The following GRIK1 variants were observed in gnomAD, a reference collection of about 807,000 sequenced individuals.
GRIK1 encodes glutamate receptor ionotropic, kainate 1.
Under a neutral mutation model 105.7 loss-of-function variants are expected in GRIK1, and 69 were observed. That is an observed-to-expected ratio of 0.65 (90% CI 0.54 to 0.80). The LOEUF is 0.80. Ranked by LOEUF, GRIK1 falls within the 30% of genes least tolerant of loss-of-function variation. The pLI, the probability that GRIK1 is intolerant of heterozygous loss-of-function variation, is 0.00. For synonymous variants in GRIK1, 438 were observed against 431.3 expected, an observed-to-expected ratio of 1.02 and a Z score of -0.19; for missense variants, 1,109 against 1,167.3, an observed-to-expected ratio of 0.95 and a Z score of 0.73.
At chr21:29,617,731 C>T (rs1299112165) in intron 7 of GRIK1, among the ~76,000 whole-genome samples, 1 of 152,194 alleles carries the variant, frequency 6.6e-6, no homozygotes. Context: ...GTCACATTGA[C>T]AGAGGCCTGG....
At chr21:29,767,824 G>A (rs959534999) in intron 1 of GRIK1, among the ~76,000 whole-genome samples, 1 of 151,648 alleles carries the variant, frequency 6.6e-6, no homozygotes, top group Non-Finnish European at 1.5e-5. Flanking sequence ...GTGTGTGTGT[G>A]TGTGTGTTTG....
chr21:29,922,586 AC>A (rs2146329501), intron 1 of GRIK1, among the ~76,000 whole-genome samples: 1 of 152,286 alleles, frequency 6.6e-6, no homozygotes, highest in Non-Finnish European at 1.5e-5. Flanking sequence ...ATTGGAAGCA[AC>A]CTAAATGAAC....
At chr21:29,869,430 T>G (rs1255390338) in intron 1 of GRIK1, among the ~76,000 whole-genome samples, 2 of 152,220 alleles carry the variant, frequency 1.3e-5, no homozygotes, top group Non-Finnish European at 2.9e-5. Flanking sequence ...CTAAGTGGTA[T>G]GGAAGAAAAG....
At chr21:29,598,988 C>T (rs1040465764) in intron 7 of GRIK1, 51 bp from the exon 8 acceptor site, 4 of 806,712 alleles carry the variant, frequency 5.0e-6, no homozygotes, top group Non-Finnish European at 8.3e-6. Context: ...TATCATAATT[C>T]CTGAGACCAT....
intron 3 of GRIK1, among the ~76,000 whole-genome samples, chr21:29,681,002 G>A (rs1007339355): frequency 6.6e-6 from 1 of 152,104 alleles, no homozygotes; most frequent in Non-Finnish European, 1.5e-5. Context: ...GCGTGGTAGT[G>A]AGTGCCTGTA....
In GRIK1 at chr21:29,674,050, C is replaced by T. The variant is rs537425602; in HGVS notation, c.545-886G>A. On this transcript the variant is annotated intron_variant, in intron 3 of 17. Transcript: ENST00000327783. Reference sequence around the variant, plus strand: ...CTCTCACTCAAGAACTTCCATCATACGGAAAAATTGAGTTTTTTTTTTTGT... The same window carrying T: ...CTCTCACTCAAGAACTTCCATCATATGGAAAAATTGAGTTTTTTTTTTTGT... Among the ~76,000 whole-genome samples, 22 of 149,904 alleles carry T rather than the reference C, an allele frequency of 1.5e-4. No individual in the cohort carries two copies. In the South Asian group the frequency reaches 4.2e-3, roughly 29 times the overall value.
At chr21:29,802,658 A>G (rs2145860548) in intron 1 of GRIK1, among the ~76,000 whole-genome samples, 1 of 152,274 alleles carries the variant, frequency 6.6e-6, no homozygotes, top group South Asian at 2.1e-4. Context: ...ACTGACTGAA[A>G]TGCAATTTCA....
intron 1 of GRIK1, among the ~76,000 whole-genome samples, chr21:29,833,203 T>C (rs931304293): frequency 6.6e-6 from 1 of 152,210 alleles, no homozygotes; most frequent in African/African-American, 2.4e-5. Context: ...ATGATATTAC[T>C]ATCAGCATTT....
At chr21:29,818,596 AT>A (rs1317508334) in intron 1 of GRIK1, among the ~76,000 whole-genome samples, 1 of 152,132 alleles carries the variant, frequency 6.6e-6, no homozygotes, top group Non-Finnish European at 1.5e-5. Context: ...GGGAAAAGCT[AT>A]TCCAAAAGGC....
At chr21:29,752,674 T>TA (rs1241252135) in intron 1 of GRIK1, among the ~76,000 whole-genome samples, 1 of 151,608 alleles carries the variant, frequency 6.6e-6, no homozygotes, top group Non-Finnish European at 1.5e-5. Flanking sequence ...AAAAAAAAAT[T>TA]AAAAAAATAA....
chr21:29,790,938 GA>G (rs1196017132), intron 1 of GRIK1, among the ~76,000 whole-genome samples: 1 of 152,140 alleles, frequency 6.6e-6, no homozygotes, highest in African/African-American at 2.4e-5. Flanking sequence ...ATGGTGGTGG[GA>G]AAAAAGTAAA....
At chr21:29,754,913 C>A (rs2065296704) in intron 1 of GRIK1, among the ~76,000 whole-genome samples, 1 of 152,108 alleles carries the variant, frequency 6.6e-6, no homozygotes, top group African/African-American at 2.4e-5. Flanking sequence ...CTAGTCTCCA[C>A]AGTCATGTAG....
chr21:29,552,144 T>A (rs2090145636), intron 16 of GRIK1, among the ~76,000 whole-genome samples: 1 of 152,082 alleles, frequency 6.6e-6, no homozygotes, highest in African/African-American at 2.4e-5. Context: ...CTGGGAGCCA[T>A]TTAAAGCTAA....
chr21:29,545,469 TTTTTTTG>T (rs1445864642), intron 16 of GRIK1, among the ~76,000 whole-genome samples: 1 of 152,180 alleles, frequency 6.6e-6, no homozygotes, highest in African/African-American at 2.4e-5. Flanking sequence ...AAACGCTTGA[TTTTTTTG>T]TTTTTTGTTT....
intron 7 of GRIK1, among the ~76,000 whole-genome samples, chr21:29,608,264 T>C (rs2061661776): frequency 6.6e-6 from 1 of 152,172 alleles, no homozygotes; most frequent in Non-Finnish European, 1.5e-5. Flanking sequence ...GGTAATGGGG[T>C]ATATTTTTGT....
At chr21:29,660,195 C>G (rs1005817100) in intron 4 of GRIK1, among the ~76,000 whole-genome samples, 7 of 152,160 alleles carry the variant, frequency 4.6e-5, no homozygotes, top group African/African-American at 1.7e-4. Context: ...CCTTCTTAGT[C>G]TAGCCTAGTT....
chr21:29,830,362 CTCACACACAT>C (rs1399029728), intron 1 of GRIK1, among the ~76,000 whole-genome samples: 2 of 57,138 alleles, frequency 3.5e-5, no homozygotes, highest in Non-Finnish European at 9.2e-5. Flanking sequence ...CACACACACA[CTCACACACAT>C]ATTCTTATAC....
intron 1 of GRIK1, among the ~76,000 whole-genome samples, chr21:29,784,351 G>A (rs1020617226): frequency 2.6e-5 from 4 of 152,144 alleles, no homozygotes; most frequent in South Asian, 2.1e-4. Flanking sequence ...GGGTAAATGC[G>A]TTTGGTTTTC....
chr21:29,640,186 G>T (rs1238909443), intron 7 of GRIK1, among the ~76,000 whole-genome samples: 1 of 150,944 alleles, frequency 6.6e-6, no homozygotes, highest in African/African-American at 2.4e-5. Flanking sequence ...AGCAGCGGGG[G>T]AAATTTGGGG....
Sources: allele counts gnomAD v4.1 joint callset (sites outside exome capture counted in the v4.1 genomes callset), GRCh38; gene constraint gnomAD v4.1.1; transcripts MANE v1.5; gene names NCBI Gene and HGNC (gene_info 2026-07-23, HGNC 2026-07-21).